The following DNAJC3 variants were observed in gnomAD, a reference collection of about 807,000 sequenced individuals.
DNAJC3 encodes the protein DnaJ heat shock protein family (Hsp40) member C3, also known as dnaJ homolog subfamily C member 3.
DNAJC3 carries 38 observed loss-of-function variants against 68.6 expected under a neutral mutation model. The ratio of observed to expected loss-of-function variants is 0.55; its 90% CI spans 0.43 to 0.73. The LOEUF (loss-of-function observed/expected upper bound fraction) is 0.73. DNAJC3 is among the 30% of genes least tolerant of loss of function. The pLI, the probability that DNAJC3 is intolerant of heterozygous loss-of-function variation, is 0.00. For missense variants in DNAJC3, 526 were observed against 591.9 expected (o/e 0.89, Z 1.16); for synonymous variants, 203 against 204.0 (o/e 1.00, Z 0.04).
intron 2 of DNAJC3, among the ~76,000 whole-genome samples, chr13:95,717,458 A>G (rs573875105): frequency 6.6e-6 from 1 of 152,328 alleles, no homozygotes; most frequent in East Asian, 1.9e-4. Context: ...CTATGCTACT[A>G]TTTTAATGTC....
intron 4 of DNAJC3, among the ~76,000 whole-genome samples, chr13:95,753,980 A>G (rs1882571691): frequency 6.6e-6 from 1 of 152,218 alleles, no homozygotes; most frequent in Non-Finnish European, 1.5e-5. Flanking sequence ...GTCACTGAGA[A>G]ATGGTAAAAC....
chr13:95,729,785 T>C (rs905336001), intron 4 of DNAJC3, among the ~76,000 whole-genome samples: 35 of 152,192 alleles, frequency 2.3e-4, no homozygotes, highest in African/African-American at 8.0e-4. Context: ...CATATACCTG[T>C]TGGCTATTTA....
chr13:95,717,369 G>GT (rs1392198635), intron 2 of DNAJC3, among the ~76,000 whole-genome samples: 6 of 152,100 alleles, frequency 3.9e-5, no homozygotes, highest in African/African-American at 1.4e-4. Flanking sequence ...AAACATTACT[G>GT]TTTACATTTA....
chr13:95,733,748 A>G (rs1014996924), intron 4 of DNAJC3, among the ~76,000 whole-genome samples: 1 of 137,508 alleles, frequency 7.3e-6, no homozygotes, highest in South Asian at 2.2e-4. Flanking sequence ...TCTTAAACCG[A>G]TAAATACGTT....
At chr13:95,736,948 G>T (rs2139653810) in intron 4 of DNAJC3, among the ~76,000 whole-genome samples, 1 of 150,986 alleles carries the variant, frequency 6.6e-6, no homozygotes, top group Non-Finnish European at 1.5e-5. Flanking sequence ...TATGATATTG[G>T]CTGTGGGTTT....
chr13:95,771,215 G>T (rs1287499568), intron 9 of DNAJC3, among the ~76,000 whole-genome samples: 1 of 152,086 alleles, frequency 6.6e-6, no homozygotes, highest in Non-Finnish European at 1.5e-5. Context: ...TTTCTTTAGG[G>T]ATAATTTTAG....
At chr13:95,740,519 C>T (rs1424540955) in intron 4 of DNAJC3, among the ~76,000 whole-genome samples, 1 of 152,092 alleles carries the variant, frequency 6.6e-6, no homozygotes, top group Non-Finnish European at 1.5e-5. Context: ...CGTGGTGCGC[C>T]GTTTTTTAAG....
chr13:95,766,103 A>T (rs1385894997), intron 9 of DNAJC3, among the ~76,000 whole-genome samples: 2 of 152,216 alleles, frequency 1.3e-5, no homozygotes, highest in Middle Eastern at 3.2e-3. Context: ...GTATGTCTTC[A>T]GTTGAAATCT....
At chr13:95,705,748 G>A (rs1038708729) in intron 1 of DNAJC3, among the ~76,000 whole-genome samples, 33 of 151,876 alleles carry the variant, frequency 2.2e-4, no homozygotes, top group Admixed American at 1.8e-3. Flanking sequence ...TATGTTGCCC[G>A]GGCTGCTCTT....
chr13:95,766,432 G>A (rs1407728836), intron 9 of DNAJC3, among the ~76,000 whole-genome samples: 1 of 152,168 alleles, frequency 6.6e-6, no homozygotes, highest in East Asian at 1.9e-4. Context: ...CATTGAAGCA[G>A]TACTAAAATA....
chr13:95,690,674 C>T (rs528126764), intron 1 of DNAJC3, among the ~76,000 whole-genome samples: 3 of 138,746 alleles, frequency 2.2e-5, no homozygotes, highest in Middle Eastern at 4.2e-3. Context: ...CTGACCCCCC[C>T]ACCTCCCTCC....
At chr13:95,775,100 C>G (rs1226443802) in intron 9 of DNAJC3, among the ~76,000 whole-genome samples, 2 of 152,176 alleles carry the variant, frequency 1.3e-5, no homozygotes, top group African/African-American at 4.8e-5. Context: ...AGTATCCCCT[C>G]TGGGGTGCAG....
At chr13:95,678,960 A>G (rs1425792175) in intron 1 of DNAJC3, among the ~76,000 whole-genome samples, 1 of 152,130 alleles carries the variant, frequency 6.6e-6, no homozygotes, top group African/African-American at 2.4e-5. Context: ...TCTGTGTAAA[A>G]TAGCAGGGAC....
intron 1 of DNAJC3, among the ~76,000 whole-genome samples, chr13:95,703,716 G>A (rs1263230373): frequency 6.6e-6 from 1 of 152,146 alleles, no homozygotes; most frequent in East Asian, 1.9e-4. Flanking sequence ...CAAAGCTACT[G>A]CATAGCTTGT....
At chr13:95,755,495 A>G (rs1882627084) in intron 4 of DNAJC3, among the ~76,000 whole-genome samples, 1 of 151,880 alleles carries the variant, frequency 6.6e-6, no homozygotes, top group African/African-American at 2.4e-5. Flanking sequence ...TCAGTGGCTC[A>G]CGCCTGTAAT....
intron 2 of DNAJC3, among the ~76,000 whole-genome samples, chr13:95,711,203 A>G (rs185362110): frequency 2.6e-5 from 4 of 152,306 alleles, no homozygotes; most frequent in Admixed American, 1.3e-4. Flanking sequence ...TTTTGATGAA[A>G]AAACTCTATT....
At chr13:95,731,844 C>T (rs1456757481) in intron 4 of DNAJC3, among the ~76,000 whole-genome samples, 4 of 151,658 alleles carry the variant, frequency 2.6e-5, no homozygotes, top group Non-Finnish European at 5.9e-5. Flanking sequence ...AAGTGATCCT[C>T]TGGCCTGAGC....
chr13:95,750,860 G>A (rs1026828760), intron 4 of DNAJC3, among the ~76,000 whole-genome samples: 1 of 152,060 alleles, frequency 6.6e-6, no homozygotes, highest in African/African-American at 2.4e-5. Flanking sequence ...CAAGCTCATG[G>A]GTAGTATTCT....
At chr13:95,721,490 C>A (rs144261797) in intron 2 of DNAJC3, among the ~76,000 whole-genome samples, 2 of 152,126 alleles carry the variant, frequency 1.3e-5, no homozygotes, top group South Asian at 4.1e-4. Flanking sequence ...AATCATCTTA[C>A]GGTTTTCCAC....
Sources: gnomAD v4.1 joint callset for allele counts (sites outside exome capture counted in the v4.1 genomes callset) on GRCh38, gnomAD v4.1.1 for gene constraint, MANE v1.5 for transcripts, NCBI Gene and HGNC (gene_info 2026-07-23, HGNC 2026-07-21) for gene names.